The following ANAPC7 variants were observed in gnomAD, a reference collection of about 807,000 sequenced individuals.
The protein encoded by ANAPC7 is anaphase promoting complex subunit 7.
Under a neutral mutation model 63.3 loss-of-function variants are expected in ANAPC7, and 25 were observed. That is an observed-to-expected ratio of 0.39 (90% CI 0.29 to 0.55). ANAPC7 has a LOEUF of 0.55. Among genes scored for constraint, ANAPC7 ranks in the 20% least tolerant of loss-of-function variants. ANAPC7 has a pLI of 0.57. For missense variants in ANAPC7, 516 were observed against 691.7 expected, an observed-to-expected ratio of 0.75 and a Z score of 2.85; for synonymous variants, 241 against 251.7, an observed-to-expected ratio of 0.96 and a Z score of 0.40.
intron 3 of ANAPC7, among the ~76,000 whole-genome samples, chr12:110,393,498 G>A (rs1373688274): frequency 6.6e-6 from 1 of 151,744 alleles, no homozygotes; most frequent in Admixed American, 6.6e-5. Flanking sequence ...GAGGCTAAGG[G>A]GGGAGGACAA....
rs536564806 is a variant in ANAPC7 at position 110,400,143 on chromosome 12, G to A, written c.101+3384C>T. On this transcript the variant is annotated intron_variant, in intron 1 of 10. Transcript: ENST00000455511. ...AAAGAGTATAGTCTAGATGACTTAA[G>A]TTCTCTTCAAACTCTGTGATTCTAT... Among the ~76,000 whole-genome samples, 3 of 152,204 alleles carry A rather than the reference G, an allele frequency of 2.0e-5. No homozygotes were observed. The South Asian group carries it at 6.2e-4, about 32-fold the overall frequency.
At position 110,395,164 on chromosome 12, in the gene ANAPC7, T is replaced by C. The variant is rs1883463594; in HGVS notation, c.345A>G (p.Leu115=). 4 of 1,613,794 alleles carry C rather than the reference T, an allele frequency of 2.5e-6. No individual in the cohort carries two copies. In the African/African-American group the frequency reaches 4.0e-5, roughly 16 times the overall value. ...KYKMAECYTM[L]KQDKDAIAIL... is the part of the protein sequence containing the mutation. Reference sequence around the variant, plus strand: ...TAGCAATGGCATCTTTATCTTGTTTTAGCATTGTATAACATTCAGCCATTT... The same window carrying C: ...TAGCAATGGCATCTTTATCTTGTTTCAGCATTGTATAACATTCAGCCATTT... The change falls in exon 3 of 11, where the codon CTA becomes CTG. Residue 115 remains leucine, a synonymous_variant. Transcript: ENST00000455511.
At chr12:110,376,615 T>C (rs1390111174) in intron 9 of ANAPC7, among the ~76,000 whole-genome samples, 2 of 145,406 alleles carry the variant, frequency 1.4e-5, no homozygotes, top group East Asian at 2.0e-4. Flanking sequence ...TATAATGTTT[T>C]AAATGGGCTC....
intron 10 of ANAPC7, chr12:110,375,603 G>T: frequency 1.3e-6 from 1 of 778,438 alleles, no homozygotes; most frequent in Non-Finnish European, 1.6e-6. Context: ...GCTAGATATA[G>T]ACAAGGAAAT....
Position 110,377,457 on chromosome 12 carries a change from T to C in ANAPC7, c.1293A>G (p.Leu431=), listed in dbSNP as rs1255422878. ...CTGGCCTTTGGGTCAGGGCTTTATC[T>C]AATAATGTTTTGGCTTTCTCCTGTG... ...PVTQEKAKTL[L]DKALTQRPDY... The change falls in exon 9 of 11, where the codon TTA becomes TTG. Residue 431 remains leucine (L), a synonymous_variant. Transcript: ENST00000455511. 2 of 1,614,200 alleles carry C rather than the reference T, an allele frequency of 1.2e-6. No homozygotes were observed. Among genetic ancestry groups the C allele is most frequent in the East Asian group, 2.2e-5 (1 of 44,888 alleles).
chr12:110,383,670 C>G (rs1219672348), intron 6 of ANAPC7, among the ~76,000 whole-genome samples: 3 of 151,560 alleles, frequency 2.0e-5, no homozygotes, highest in African/African-American at 7.3e-5. Context: ...ATCACGAGGT[C>G]AGGAGTTCGA....
In ANAPC7 at chr12:110,394,669, C is replaced by CAAAAAAA. The variant is rs779142936; in HGVS notation, c.408+425_408+431dup. 8.2e-4 allele frequency among the ~76,000 whole-genome samples: 35 copies of CAAAAAAA among 42,774 alleles called. 8 individuals are homozygous for CAAAAAAA. The highest frequency in any genetic ancestry group is 3.7e-3 in the African/African-American group (35 of 9,414). The allele number at this position is 42,774 out of a possible 152,430, so 28.1% of individuals were successfully genotyped here. A position where few individuals can be genotyped will look rare whatever the true frequency, so the allele number is the denominator to read the frequency against. ...GGGCAACAAGAGTGAAATTCCACCT[C>CAAAAAAA]AAAAAAAAAAAAAAAAAAAAAAAAA... On this transcript the variant is annotated intron_variant, in intron 3 of 10. Transcript: ENST00000455511.
chr12:110,400,747 C>T (rs1020613623), intron 1 of ANAPC7, among the ~76,000 whole-genome samples: 2 of 151,740 alleles, frequency 1.3e-5, no homozygotes, highest in East Asian at 3.9e-4. Context: ...CTAGTAAGGT[C>T]CAAAGCACAT....
At chr12:110,386,546 CATACAG>C (rs1337815724) in intron 5 of ANAPC7, 77 bp from the exon 6 acceptor site, 5 of 1,235,066 alleles carry the variant, frequency 4.0e-6, no homozygotes, top group Non-Finnish European at 5.7e-6. Flanking sequence ...GATGATTGGT[CATACAG>C]ATACTATTTT....
In ANAPC7 at chr12:110,377,136, CAAAAAAA is replaced by C. The variant is rs35149960; in HGVS notation, c.1357+250_1357+256del. On this transcript the variant is annotated intron_variant, in intron 9 of 10. Coordinates refer to ENST00000455511, the MANE Select transcript of ANAPC7 (RefSeq NM_016238.3). ...TGGGTGACAGAGCAAGATGCCGTCT[CAAAAAAA>C]AAAAAAAAAAAAAAATTAGTGAGCC... is the stretch of plus-strand genomic sequence containing the variant. 2.3e-3 allele frequency among the ~76,000 whole-genome samples: 109 copies of C among 46,438 alleles called. 1 individual carries two copies. The highest frequency in any genetic ancestry group is 8.5e-3 in the African/African-American group (102 of 11,984). The allele number at this position is 46,438 out of a possible 152,430, so 30.5% of individuals were successfully genotyped here.
chr12:110,401,768 G>A (rs1229713722), intron 1 of ANAPC7, among the ~76,000 whole-genome samples: 1 of 151,704 alleles, frequency 6.6e-6, no homozygotes, highest in Non-Finnish European at 1.5e-5. Context: ...GGCGGATCAC[G>A]AGGTCAGGAG....
intron 8 of ANAPC7, among the ~76,000 whole-genome samples, chr12:110,381,070 A>C (rs1881797488): frequency 6.6e-6 from 1 of 151,702 alleles, no homozygotes; most frequent in Non-Finnish European, 1.5e-5. Context: ...AAAAAAAAAA[A>C]CCCCATCCCA....
At chr12:110,377,884 G>A (rs1881434758) in intron 8 of ANAPC7, 21 of 1,250,608 alleles carry the variant, frequency 1.7e-5, no homozygotes, top group Non-Finnish European at 2.2e-5. Context: ...TAAGGAACCT[G>A]CAGCATGTGA....
Position 110,396,140 on chromosome 12 carries a change from A to G in ANAPC7, c.288+126T>C, listed in dbSNP as rs181300585. The G allele has an allele frequency of 8.3e-3, 6,613 of 794,864 alleles. 35 individuals are homozygous for G. Among genetic ancestry groups the G allele is most frequent in the Non-Finnish European group, 9.9e-3 (4,876 of 493,000 alleles). The allele number at this position is 794,864 out of a possible 1,614,324, so 49.2% of individuals were successfully genotyped here. A position where few individuals can be genotyped will look rare whatever the true frequency, so the allele number is the denominator to read the frequency against. On this transcript the variant is annotated intron_variant, in intron 2 of 10. Coordinates refer to ENST00000455511, the MANE Select transcript of ANAPC7 (RefSeq NM_016238.3). ...AGGCAGTAATATTCACTAGCCCTCCACCCACCTCCTGCTGTGCAGCCTGGT... is the reference window on the plus strand; with the variant it reads ...AGGCAGTAATATTCACTAGCCCTCCGCCCACCTCCTGCTGTGCAGCCTGGT...
rs184638754 is a variant in ANAPC7 at position 110,399,771 on chromosome 12, C to T, written c.102-3319G>A. ...CACCACTGCACTCCAGCCTGGGTGA[C>T]GAGAGAGAGACTCTGTCTCAGACAA... On this transcript the variant is annotated intron_variant, in intron 1 of 10. Coordinates refer to ENST00000455511, the MANE Select transcript of ANAPC7 (RefSeq NM_016238.3). 8.9e-4 allele frequency among the ~76,000 whole-genome samples: 121 copies of T among 136,648 alleles called. 1 individual carries two copies. The highest frequency in any genetic ancestry group is 3.9e-3 in the Middle Eastern group (1 of 258). The allele number at this position is 136,648 out of a possible 152,430, so 89.6% of individuals were successfully genotyped here. A position where few individuals can be genotyped will look rare whatever the true frequency, so the allele number is the denominator to read the frequency against.
In ANAPC7 at chr12:110,384,232, T is replaced by C. The variant is rs1882238170; in HGVS notation, c.818-1272A>G. 2.0e-5 allele frequency among the ~76,000 whole-genome samples: 3 copies of C among 148,408 alleles called. 1 individual carries two copies. The highest frequency in any genetic ancestry group is 2.0e-4 in the Admixed American group (3 of 14,858). On this transcript the variant is annotated intron_variant, in intron 6 of 10. Coordinates refer to ENST00000455511, the MANE Select transcript of ANAPC7 (RefSeq NM_016238.3). ...TAAAATAAAATAAAGTAAAATAAAATAGAAAGAAAAAAAAATTAGCCAAGC... is the reference window on the plus strand; with the variant it reads ...TAAAATAAAATAAAGTAAAATAAAACAGAAAGAAAAAAAAATTAGCCAAGC...
intron 10 of ANAPC7, chr12:110,375,839 G>A: frequency 8.1e-7 from 1 of 1,237,272 alleles, no homozygotes. Context: ...TGTTATAGTG[G>A]TGTGGGATGG....
At position 110,377,734 on chromosome 12, in the gene ANAPC7, C is replaced by T. The variant is rs146338310; in HGVS notation, c.1133-117G>A. 3.0e-5 allele frequency: 46 copies of T among 1,523,194 alleles called. 1 individual carries two copies. Among genetic ancestry groups the T allele is most frequent in the South Asian group, 2.3e-4 (18 of 78,618 alleles). 94.4% of individuals were successfully genotyped at this position (1,523,194 alleles called of 1,614,324 possible). A position where few individuals can be genotyped will look rare whatever the true frequency, so the allele number is the denominator to read the frequency against. On this transcript the variant is annotated intron_variant, in intron 8 of 10. Coordinates refer to ENST00000455511, the MANE Select transcript of ANAPC7 (RefSeq NM_016238.3). ...AAAGTTTCAGACAAAGGGCAGGCCA[C>T]GGGAAACTGATGGTGAGATTAGACT...
intron 1 of ANAPC7, among the ~76,000 whole-genome samples, chr12:110,397,177 C>T (rs1413437941): frequency 4.0e-5 from 6 of 151,156 alleles, no homozygotes; most frequent in Non-Finnish European, 7.4e-5. Flanking sequence ...CCAGCCTGGG[C>T]GACAGAGCCA....
Sources: allele counts gnomAD v4.1 joint callset (sites outside exome capture counted in the v4.1 genomes callset), GRCh38; gene constraint gnomAD v4.1.1; transcripts MANE v1.5; gene names NCBI Gene and HGNC (gene_info 2026-07-23, HGNC 2026-07-21).